Variants in ANTXR1 observed in about 807,000 individuals in gnomAD.
ANTXR1 encodes ANTXR cell adhesion molecule 1.
In ANTXR1, 19 loss-of-function variants were observed where a neutral mutation model predicts 78.1. The observed-to-expected ratio is 0.24, with a 90% CI of 0.17 to 0.36. The LOEUF is 0.36. ANTXR1 is among the 10% of genes least tolerant of loss of function. The probability of loss-of-function intolerance (pLI) is 1.00; values close to 1 mark genes in which losing one functional copy is unlikely to be tolerated. For missense variants in ANTXR1, 518 were observed against 718.6 expected (o/e 0.72, Z 3.19); for synonymous variants, 273 against 260.5 (o/e 1.05, Z -0.46).
At chr2:69,172,580 A>G (rs1674019139) in intron 14 of ANTXR1, 1 of 1,298,584 alleles carries the variant, frequency 7.7e-7, no homozygotes, top group Admixed American at 3.5e-5. Flanking sequence ...GTATATATGA[A>G]GACCTTCAGT....
chr2:69,201,005 G>A (rs544167202), intron 17 of ANTXR1, among the ~76,000 whole-genome samples: 2 of 152,274 alleles, frequency 1.3e-5, no homozygotes, highest in South Asian at 4.1e-4. Context: ...ACTCCTTCAT[G>A]CATTCAACCC....
chr2:69,205,589 G>A lies in ANTXR1; in HGVS notation c.1434+12174G>A, dbSNP rs1674876785. Among the ~76,000 whole-genome samples, 4 of 126,412 alleles carry A rather than the reference G, an allele frequency of 3.2e-5. No homozygotes were observed. The South Asian group carries it at 1.1e-3, about 35-fold the overall frequency. The allele number at this position is 126,412 out of a possible 152,430, so 82.9% of individuals were successfully genotyped here. ...TAAGCAATTTGAGGGAATGAACCAT[G>A]GCTTTTTTTTTTTTTTTTAACTTTC... On this transcript the variant is annotated intron_variant, in intron 17 of 17. Coordinates refer to ENST00000303714, the MANE Select transcript of ANTXR1 (RefSeq NM_032208.3).
intron 16 of ANTXR1, among the ~76,000 whole-genome samples, chr2:69,185,566 AAG>A (rs957142453): frequency 2.2e-4 from 34 of 151,840 alleles, no homozygotes; most frequent in African/African-American, 8.0e-4. Context: ...AAAAAAAAAA[AAG>A]AAGAAGAGTT....
chr2:69,234,225 G>C (rs1008288179), intron 17 of ANTXR1, among the ~76,000 whole-genome samples: 3 of 152,180 alleles, frequency 2.0e-5, no homozygotes, highest in African/African-American at 7.2e-5. Flanking sequence ...GATATAGAGA[G>C]ACACATCAGA....
intron 13 of ANTXR1, among the ~76,000 whole-genome samples, chr2:69,164,315 T>C (rs898356947): frequency 3.3e-5 from 5 of 152,214 alleles, no homozygotes; most frequent in African/African-American, 1.2e-4. Flanking sequence ...ACTTTCAGCA[T>C]CTTAACTACT....
chr2:69,089,847 G>A (rs1671170956), intron 8 of ANTXR1, among the ~76,000 whole-genome samples: 1 of 152,122 alleles, frequency 6.6e-6, no homozygotes, highest in South Asian at 2.1e-4. Context: ...ACTGCATTTG[G>A]TTGGTAAATT....
chr2:69,229,803 GTTGA>G (rs1268605861), intron 17 of ANTXR1, among the ~76,000 whole-genome samples: 1 of 149,650 alleles, frequency 6.7e-6, no homozygotes, highest in Non-Finnish European at 1.5e-5. Flanking sequence ...CATCCAAAAT[GTTGA>G]TTAAAACCAG....
chr2:69,221,215 T>C (rs1488742791), intron 17 of ANTXR1, among the ~76,000 whole-genome samples: 2 of 152,172 alleles, frequency 1.3e-5, no homozygotes, highest in Non-Finnish European at 2.9e-5. Context: ...TGGATGCTGT[T>C]CCTCAAAATA....
At chr2:69,222,311 C>T (rs185180187) in intron 17 of ANTXR1, among the ~76,000 whole-genome samples, 3 of 152,260 alleles carry the variant, frequency 2.0e-5, no homozygotes, top group African/African-American at 4.8e-5. Context: ...TGTTTTCTAG[C>T]AGACCGGCTC....
intron 17 of ANTXR1, among the ~76,000 whole-genome samples, chr2:69,235,380 G>T (rs1039534320): frequency 6.6e-6 from 1 of 152,036 alleles, no homozygotes; most frequent in East Asian, 1.9e-4. Flanking sequence ...CAGGGGCAGT[G>T]GTTCACGCCT....
chr2:69,119,373 G>A (rs1289203662), intron 10 of ANTXR1, among the ~76,000 whole-genome samples: 1 of 152,206 alleles, frequency 6.6e-6, no homozygotes, highest in Non-Finnish European at 1.5e-5. Flanking sequence ...GTGGCTCTGT[G>A]GGCTGGCTAT....
intron 17 of ANTXR1, among the ~76,000 whole-genome samples, chr2:69,226,139 G>A (rs750169515): frequency 6.6e-5 from 10 of 152,270 alleles, no homozygotes; most frequent in East Asian, 1.9e-4. Context: ...GCCATAGCTC[G>A]GGGGAGTGGG....
chr2:69,091,888 G>T (rs1194715390), intron 9 of ANTXR1, among the ~76,000 whole-genome samples: 1 of 152,100 alleles, frequency 6.6e-6, no homozygotes, highest in African/African-American at 2.4e-5. Context: ...ATATTTAATG[G>T]ACTGCTTAAA....
chr2:69,208,194 C>T (rs1371682916), intron 17 of ANTXR1, among the ~76,000 whole-genome samples: 1 of 152,132 alleles, frequency 6.6e-6, no homozygotes, highest in African/African-American at 2.4e-5. Flanking sequence ...GGGGACCCAC[C>T]CCTGTTTGCC....
At chr2:69,130,144 A>T (rs924397075) in intron 12 of ANTXR1, among the ~76,000 whole-genome samples, 1 of 152,178 alleles carries the variant, frequency 6.6e-6, no homozygotes. Flanking sequence ...TTGAACACCC[A>T]AGATGTGGCA....
intron 10 of ANTXR1, among the ~76,000 whole-genome samples, chr2:69,120,352 A>G (rs1382927005): frequency 6.6e-6 from 1 of 152,184 alleles, no homozygotes; most frequent in East Asian, 1.9e-4. Flanking sequence ...ATCATCACCG[A>G]TGGAAGGACA....
chr2:69,062,473 A>G (rs1446897729), intron 3 of ANTXR1, among the ~76,000 whole-genome samples: 1 of 152,204 alleles, frequency 6.6e-6, no homozygotes, highest in Non-Finnish European at 1.5e-5. Context: ...AAAGTCCAGG[A>G]GTTGGCCTAA....
chr2:69,183,270 G>C (rs1429110259), intron 16 of ANTXR1, among the ~76,000 whole-genome samples: 1 of 152,016 alleles, frequency 6.6e-6, no homozygotes, highest in African/African-American at 2.4e-5. Context: ...ACTCTTTCTG[G>C]TTGTAAGCAA....
At chr2:69,167,262 T>C (rs1178300102) in intron 13 of ANTXR1, among the ~76,000 whole-genome samples, 4 of 152,018 alleles carry the variant, frequency 2.6e-5, no homozygotes, top group Non-Finnish European at 4.4e-5. Context: ...TTAGCAGGGG[T>C]GCACTGGTTT....
Sources: allele counts gnomAD v4.1 joint callset (sites outside exome capture counted in the v4.1 genomes callset), GRCh38; gene constraint gnomAD v4.1.1; transcripts MANE v1.5; gene names NCBI Gene and HGNC (gene_info 2026-07-23, HGNC 2026-07-21).